The following BTBD3 variants were observed in gnomAD, a reference collection of about 807,000 sequenced individuals.
BTBD3 encodes the protein BTB/POZ domain-containing protein 3.
In BTBD3, 14 loss-of-function variants were observed where a neutral mutation model predicts 41.6. The ratio of observed to expected loss-of-function variants is 0.34; its 90% CI spans 0.22 to 0.53. The LOEUF (loss-of-function observed/expected upper bound fraction) is 0.53. Among genes scored for constraint, BTBD3 ranks in the 20% least tolerant of loss-of-function variants. The pLI is 0.95. For missense variants in BTBD3, 426 were observed against 654.7 expected (o/e 0.65, Z 3.81); for synonymous variants, 249 against 233.7 (o/e 1.07, Z -0.60).
chr20:11,903,347 C>G (rs150717323), intron 1 of BTBD3, among the ~76,000 whole-genome samples: 1 of 152,146 alleles, frequency 6.6e-6, no homozygotes, highest in African/African-American at 2.4e-5. Context: ...ATTGCTACCC[C>G]CAATTCTCCT....
At chr20:11,906,680 A>G (rs545665317) in intron 1 of BTBD3, among the ~76,000 whole-genome samples, 1 of 152,240 alleles carries the variant, frequency 6.6e-6, no homozygotes, top group South Asian at 2.1e-4. Flanking sequence ...TGAGACAGAG[A>G]CTCATGCATG....
At chr20:11,909,381 A>G (rs1449099393) in intron 1 of BTBD3, 1 of 151,826 alleles carries the variant, frequency 6.6e-6, no homozygotes, top group Non-Finnish European at 1.5e-5. Flanking sequence ...ATGCTCTGTT[A>G]CAGCCTTCTA....
At position 11,923,440 on chromosome 20, in the gene BTBD3, G is replaced by A. The variant is rs2122340145; in HGVS notation, c.1343G>A (p.Ser448Asn). ...NLSKYFSDGS[S>N]NTFPVWFEYP... ...AGCAAGTACTTCTCAGATGGGTCCA[G>A]CAATACCTTTCCCGTATGGTTTGAA... Residue 448 changes from serine (S) to asparagine (N), a missense_variant, in exon 4 of 4, where the codon AGC (serine) becomes AAC (asparagine). By Grantham distance (46) the Ser-to-Asn change is conservative. Coordinates refer to ENST00000378226, the MANE Select transcript of BTBD3 (RefSeq NM_014962.4). The surrounding 1 kb of genome is among the most constrained non-coding windows in gnomAD (Gnocchi z 5.3). The A allele has an allele frequency of 2.5e-6, 4 of 1,614,208 alleles. No homozygotes were observed. Among genetic ancestry groups the A allele is most frequent in the East Asian group, 2.2e-5 (1 of 44,882 alleles).
chr20:11,894,418 C>T (rs2122159227), intron 1 of BTBD3, among the ~76,000 whole-genome samples: 1 of 152,280 alleles, frequency 6.6e-6, no homozygotes, highest in Non-Finnish European at 1.5e-5. Context: ...TGTAGTGTGT[C>T]AGCACTCCAG....
Position 11,923,828 on chromosome 20 carries a change from C to A in BTBD3, c.*162C>A. On this transcript the variant is annotated 3_prime_UTR_variant, in exon 4 of 4. Transcript: ENST00000378226. The surrounding 1 kb of genome is among the most constrained non-coding windows in gnomAD (Gnocchi z 5.3). ...TTTTAACCTTTTAATTATGTACAGGCAAAAATGCAGCATTCCGCTTTTAAC... is the reference window on the plus strand; with the variant it reads ...TTTTAACCTTTTAATTATGTACAGGAAAAAATGCAGCATTCCGCTTTTAAC... 1.5e-6 allele frequency: 1 copy of A among 661,034 alleles called. No individual in the cohort carries two copies. Among genetic ancestry groups the A allele is most frequent in the Non-Finnish European group, 2.5e-6 (1 of 400,842 alleles). The allele number at this position is 661,034 out of a possible 1,614,324, so 40.9% of individuals were successfully genotyped here.
intron 1 of BTBD3, among the ~76,000 whole-genome samples, chr20:11,896,638 C>G (rs1325745855): frequency 6.6e-6 from 1 of 152,160 alleles, no homozygotes; most frequent in Admixed American, 6.5e-5. Context: ...CAAAGAAAAT[C>G]TATCCTTTCA....
At chr20:11,918,819 G>C in intron 1 of BTBD3, 1 of 580,540 alleles carries the variant, frequency 1.7e-6, no homozygotes, top group Non-Finnish European at 2.9e-6. Flanking sequence ...CAAGTGACAG[G>C]GTTGTCTATG....
exon 1 of BTBD3, chr20:11,890,852 G>C: frequency 1.0e-6 from 1 of 985,182 alleles, no homozygotes; most frequent in Non-Finnish European, 1.2e-6. Context: ...CGCCGAGCCC[G>C]CCGGGCGCTG....
rs71186168 is a variant in BTBD3, at chr20:11,897,484, CAAAAAAAA to C, written c.-126+6548_-126+6555del. ...CTCCATTTTTTTCATGTTATTTAAG[CAAAAAAAA>C]AAAAAAAAAAAAAAAAAGAACATGG... On this transcript the variant is annotated intron_variant, in intron 1 of 4. Transcript: ENST00000254977. Among the ~76,000 whole-genome samples, 37 of 65,380 alleles carry C rather than the reference CAAAAAAAA, an allele frequency of 5.7e-4. 1 individual carries two copies. Among genetic ancestry groups the C allele is most frequent in the Non-Finnish European group, 7.4e-4 (27 of 36,402 alleles). 42.9% of individuals were successfully genotyped at this position (65,380 alleles called of 152,430 possible). A position where few individuals can be genotyped will look rare whatever the true frequency, so the allele number is the denominator to read the frequency against.
At chr20:11,921,406 G>A (rs988484815) in intron 3 of BTBD3, among the ~76,000 whole-genome samples, 2 of 152,236 alleles carry the variant, frequency 1.3e-5, no homozygotes, top group Non-Finnish European at 2.9e-5. Context: ...CTCTAGTGCT[G>A]TAGTTGTGAA....
At chr20:11,919,447 C>T (rs1439254300) in intron 2 of BTBD3, 1 of 1,405,386 alleles carries the variant, frequency 7.1e-7, no homozygotes. Flanking sequence ...TATGTTTACC[C>T]TTCTCCTAGA....
At chr20:11,911,091 G>A (rs377611485) in intron 1 of BTBD3, among the ~76,000 whole-genome samples, 13 of 152,148 alleles carry the variant, frequency 8.5e-5, no homozygotes, top group African/African-American at 2.6e-4. Context: ...TTCACTGACT[G>A]TAGGGTGCCA....
intron 1 of BTBD3, among the ~76,000 whole-genome samples, chr20:11,898,583 T>C (rs1476651275): frequency 6.6e-6 from 1 of 152,242 alleles, no homozygotes; most frequent in African/African-American, 2.4e-5. Flanking sequence ...AGGTCGAGTA[T>C]GTTTATTAAT....
chr20:11,924,979 T>C lies in BTBD3; in HGVS notation c.*1313T>C, dbSNP rs1443053347. 1 of 152,698 alleles carries C rather than the reference T, an allele frequency of 6.5e-6. No homozygotes were observed. The highest frequency in any genetic ancestry group is 2.1e-4 in the South Asian group (1 of 4,832). The allele number at this position is 152,698 out of a possible 1,614,324, so 9.5% of individuals were successfully genotyped here. A position where few individuals can be genotyped will look rare whatever the true frequency, so the allele number is the denominator to read the frequency against. On this transcript the variant is annotated 3_prime_UTR_variant, in exon 4 of 4. Coordinates refer to ENST00000378226, the MANE Select transcript of BTBD3 (RefSeq NM_014962.4). ...AGGGAAAAACTTATTAAATTCTCCTTCGCTGCTGGCTTGTGCTGGTTTAGT... is the reference window on the plus strand; with the variant it reads ...AGGGAAAAACTTATTAAATTCTCCTCCGCTGCTGGCTTGTGCTGGTTTAGT...
At chr20:11,902,398 C>A (rs762335874) in intron 1 of BTBD3, among the ~76,000 whole-genome samples, 4 of 152,146 alleles carry the variant, frequency 2.6e-5, no homozygotes, top group Non-Finnish European at 4.4e-5. Flanking sequence ...CAACTTTTTT[C>A]TTGTAGTGTC....
chr20:11,911,814 T>C (rs2056891244), intron 1 of BTBD3, among the ~76,000 whole-genome samples: 1 of 152,178 alleles, frequency 6.6e-6, no homozygotes, highest in African/African-American at 2.4e-5. Context: ...TATATACCCC[T>C]TTTCAAGATC....
intron 1 of BTBD3, among the ~76,000 whole-genome samples, chr20:11,899,531 G>A (rs1286856851): frequency 6.6e-6 from 1 of 151,928 alleles, no homozygotes; most frequent in Non-Finnish European, 1.5e-5. Flanking sequence ...GACCCTTAAA[G>A]TATTTGCATT....
At chr20:11,894,598 G>A (rs930831198) in intron 1 of BTBD3, among the ~76,000 whole-genome samples, 4 of 150,538 alleles carry the variant, frequency 2.7e-5, no homozygotes, top group South Asian at 4.2e-4. Flanking sequence ...TTAAATACCC[G>A]TTTTATCTAA....
chr20:11,892,103 A>G (rs994248526), intron 1 of BTBD3, among the ~76,000 whole-genome samples: 8 of 152,118 alleles, frequency 5.3e-5, no homozygotes, highest in Non-Finnish European at 1.2e-4. Flanking sequence ...ACTCAAATTC[A>G]TTTTCCTAGA....
Sources: gnomAD v4.1 joint callset for allele counts (sites outside exome capture counted in the v4.1 genomes callset) on GRCh38, gnomAD v4.1.1 for gene constraint, Gnocchi (gnomAD v3.1) non-coding constraint, MANE v1.5 for transcripts, NCBI Gene and HGNC (gene_info 2026-07-23, HGNC 2026-07-21) for gene names.